The following SYN2 variants were observed in gnomAD, a reference collection of about 807,000 sequenced individuals.
The protein encoded by SYN2 is synapsin II, also known as synapsin-2.
SYN2 carries 19 observed loss-of-function variants against 50.9 expected under a neutral mutation model. The observed-to-expected ratio is 0.37, with a 90% CI of 0.26 to 0.55. The LOEUF (loss-of-function observed/expected upper bound fraction) is 0.55, where lower values mean the gene tolerates loss of function less well. SYN2 is among the 20% of genes least tolerant of loss of function. The pLI is 0.81. For missense variants in SYN2, 587 were observed against 576.4 expected (o/e 1.02, Z -0.19); for synonymous variants, 255 against 224.9 (o/e 1.13, Z -1.20).
chr3:12,067,997 T>A (rs1695257311), intron 1 of SYN2, among the ~76,000 whole-genome samples: 1 of 152,196 alleles, frequency 6.6e-6, no homozygotes, highest in Non-Finnish European at 1.5e-5. Context: ...AGGTCAAAGA[T>A]GCAGTGAGCT....
At chr3:12,041,245 C>G (rs1315551959) in intron 1 of SYN2, among the ~76,000 whole-genome samples, 1 of 152,170 alleles carries the variant, frequency 6.6e-6, no homozygotes, top group Non-Finnish European at 1.5e-5. Context: ...AGAGGAAGAG[C>G]TGTCCAAGGA....
chr3:12,057,283 C>CTGTGTGTGTGTGTG (rs1361358278), intron 1 of SYN2, among the ~76,000 whole-genome samples: 2 of 21,408 alleles, frequency 9.3e-5, no homozygotes, highest in African/African-American at 3.8e-4. Context: ...CAAGGCAAGA[C>CTGTGTGTGTGTGTG]TGTCTGTGTG....
At chr3:12,005,721 G>GGT (rs1693788045) in intron 1 of SYN2, among the ~76,000 whole-genome samples, 1 of 151,732 alleles carries the variant, frequency 6.6e-6, no homozygotes, top group African/African-American at 2.4e-5. Flanking sequence ...CAAATAAAAG[G>GGT]AGACCTGCCT....
At chr3:12,161,510 ACT>A in intron 5 of SYN2, 34 bp from the exon 6 acceptor site, 1 of 1,612,698 alleles carries the variant, frequency 6.2e-7, no homozygotes, top group Non-Finnish European at 8.5e-7. Flanking sequence ...AGATGGGCAC[ACT>A]CTGACAGTTT....
chr3:12,099,380 A>G (rs957277021), intron 1 of SYN2, among the ~76,000 whole-genome samples: 2 of 152,202 alleles, frequency 1.3e-5, no homozygotes, highest in African/African-American at 4.8e-5. Context: ...CTGCAATAGG[A>G]TGAAATTAGA....
At chr3:12,136,387 G>A (rs1309859382) in intron 1 of SYN2, among the ~76,000 whole-genome samples, 1 of 152,118 alleles carries the variant, frequency 6.6e-6, no homozygotes, top group Non-Finnish European at 1.5e-5. Context: ...ATCACCATTA[G>A]CCCTATTTTA....
chr3:12,117,537 A>G (rs1258610674), intron 1 of SYN2, among the ~76,000 whole-genome samples: 2 of 152,202 alleles, frequency 1.3e-5, no homozygotes, highest in Admixed American at 1.3e-4. Flanking sequence ...GTAAGAGCTC[A>G]TCATTCATTG....
intron 1 of SYN2, among the ~76,000 whole-genome samples, chr3:12,072,623 A>T (rs1301097383): frequency 6.6e-6 from 1 of 152,148 alleles, no homozygotes; most frequent in Non-Finnish European, 1.5e-5. Flanking sequence ...ACCAAAAGTA[A>T]ATTGACCATA....
At chr3:12,145,431 C>G (rs887751686) in intron 3 of SYN2, among the ~76,000 whole-genome samples, 7 of 152,088 alleles carry the variant, frequency 4.6e-5, no homozygotes, top group African/African-American at 1.7e-4. Context: ...ACTTACTTAG[C>G]AGGCTAAGGC....
intron 1 of SYN2, among the ~76,000 whole-genome samples, chr3:12,133,880 G>A (rs1318091862): frequency 6.6e-6 from 1 of 152,170 alleles, no homozygotes; most frequent in Non-Finnish European, 1.5e-5. Context: ...TATTTTAAAA[G>A]TCATTATCCT....
chr3:12,050,821 C>T (rs1322739657), intron 1 of SYN2, among the ~76,000 whole-genome samples: 2 of 142,522 alleles, frequency 1.4e-5, no homozygotes, highest in Non-Finnish European at 3.0e-5. Context: ...CTGCAAGCTC[C>T]GCTTCCCGGG....
At chr3:12,055,425 CA>C (rs1413249893) in intron 1 of SYN2, among the ~76,000 whole-genome samples, 1 of 151,878 alleles carries the variant, frequency 6.6e-6, no homozygotes, top group Non-Finnish European at 1.5e-5. Flanking sequence ...GAATGAGCTC[CA>C]TTTTGTGAAG....
chr3:12,162,275 G>A, intron 7 of SYN2, 121 bp downstream of exon 7: 2 of 1,313,234 alleles, frequency 1.5e-6, no homozygotes, highest in South Asian at 3.1e-5. Flanking sequence ...TTTTACCTGG[G>A]TTCCTTTTAA....
At chr3:12,039,103 T>C (rs1030543039) in intron 1 of SYN2, among the ~76,000 whole-genome samples, 5 of 152,194 alleles carry the variant, frequency 3.3e-5, no homozygotes, top group African/African-American at 4.8e-5. Context: ...GTTGAGTGTT[T>C]TTATCATGAA....
chr3:12,182,840 C>G (rs1407065688), intron 10 of SYN2, among the ~76,000 whole-genome samples: 1 of 152,226 alleles, frequency 6.6e-6, no homozygotes, highest in Non-Finnish European at 1.5e-5. Flanking sequence ...CACTCCTCCC[C>G]TGCCCTCCTG....
chr3:12,080,383 A>C (rs1354910628), intron 1 of SYN2, among the ~76,000 whole-genome samples: 1 of 150,766 alleles, frequency 6.6e-6, no homozygotes, highest in African/African-American at 2.4e-5. Flanking sequence ...TAGTTCTGTT[A>C]GTTGTGATGT....
At chr3:12,147,233 C>T (rs992729504) in intron 4 of SYN2, among the ~76,000 whole-genome samples, 1 of 151,966 alleles carries the variant, frequency 6.6e-6, no homozygotes, top group Non-Finnish European at 1.5e-5. Flanking sequence ...GTGTGTTAAC[C>T]AAACAGATCT....
intron 4 of SYN2, among the ~76,000 whole-genome samples, chr3:12,148,882 C>T (rs1697214623): frequency 6.6e-6 from 1 of 152,174 alleles, no homozygotes; most frequent in Non-Finnish European, 1.5e-5. Flanking sequence ...GCCAACAGCA[C>T]CCCCAGCTCC....
intron 1 of SYN2, among the ~76,000 whole-genome samples, chr3:12,072,977 C>T (rs912222081): frequency 5.9e-5 from 9 of 152,120 alleles, no homozygotes; most frequent in African/African-American, 2.2e-4. Context: ...CTGTGGGCCT[C>T]ACTGTCAGAT....
Sources: allele counts gnomAD v4.1 joint callset (sites outside exome capture counted in the v4.1 genomes callset), GRCh38; gene constraint gnomAD v4.1.1; transcripts MANE v1.5; gene names NCBI Gene and HGNC (gene_info 2026-07-23, HGNC 2026-07-21).